The following DAB2 variants were observed in gnomAD, a reference collection of about 807,000 sequenced individuals.
DAB2 encodes disabled homolog 2.
Under a neutral mutation model 71.6 loss-of-function variants are expected in DAB2, and 28 were observed. The observed-to-expected ratio is 0.39, with a 90% CI of 0.29 to 0.54. The LOEUF (loss-of-function observed/expected upper bound fraction) is 0.54. Among genes scored for constraint, DAB2 ranks in the 20% least tolerant of loss-of-function variants. The pLI is 0.68. For synonymous variants in DAB2, 345 were observed against 339.7 expected (o/e 1.02, Z -0.17); for missense variants, 867 against 928.8 (o/e 0.93, Z 0.86).
At chr5:39,396,620 T>C (rs150380948) in intron 1 of DAB2, among the ~76,000 whole-genome samples, 88 of 152,356 alleles carry the variant, frequency 5.8e-4, no homozygotes, top group Non-Finnish European at 1.1e-3. Flanking sequence ...TTTTTGAAGT[T>C]AAATGTACAA....
intron 3 of DAB2, among the ~76,000 whole-genome samples, 180 bp downstream of exon 3, chr5:39,393,074 G>A (rs576494975): frequency 6.6e-6 from 1 of 152,246 alleles, no homozygotes; most frequent in South Asian, 2.1e-4. Context: ...AGGTATCTAG[G>A]ACATCCCTCC....
intron 3 of DAB2, 130 bp from the exon 4 acceptor site, chr5:39,392,593 C>T (rs1755260789): frequency 1.5e-6 from 1 of 666,644 alleles, no homozygotes; most frequent in African/African-American, 1.8e-5. Flanking sequence ...GGATTCGGCA[C>T]TTTTCATCCG....
At chr5:39,381,367 C>T in intron 11 of DAB2, 87 bp downstream of exon 11, 1 of 1,391,382 alleles carries the variant, frequency 7.2e-7, no homozygotes, top group Non-Finnish European at 1.0e-6. Context: ...GTAAAACCCT[C>T]TGGGAGTATG....
chr5:39,376,013 C>T lies in DAB2; in HGVS notation c.2231G>A (p.Gly744Asp). The T allele has an allele frequency of 6.2e-7, 1 of 1,613,798 alleles. No individual in the cohort carries two copies. Among genetic ancestry groups the T allele is most frequent in the Non-Finnish European group, 8.5e-7 (1 of 1,179,830 alleles). ...CATACTTACAGAGGCTTGTGATGAACCAAAAGAATCTTTAAAGAAAGGGTT... is the reference window on the plus strand; with the variant it reads ...CATACTTACAGAGGCTTGTGATGAATCAAAAGAATCTTTAAAGAAAGGGTT... ...FENPFFKDSF[G>D]SSQASVASSQ... Residue 744 changes from glycine to aspartate, a missense_variant, in exon 13 of 15, where the codon GGT becomes GAT. Physicochemically the swap from Gly to Asp is moderately conservative, Grantham distance 94. Around this residue, in one of 2 missense-constraint regions of DAB2, gnomAD observed 740 missense variants for 734.3 expected, o/e 1.01. Transcript: ENST00000320816.
chr5:39,381,853 A>G (rs557048257), intron 10 of DAB2, among the ~76,000 whole-genome samples: 1 of 152,332 alleles, frequency 6.6e-6, no homozygotes, highest in East Asian at 1.9e-4. Context: ...AGGACTTGCA[A>G]AGTGAAATCT....
Position 39,424,521 on chromosome 5 carries a change from A to G in DAB2, c.-102+283T>C, listed in dbSNP as rs969785031. Among the ~76,000 whole-genome samples the G allele has an allele frequency of 2.0e-4, 26 of 128,342 alleles. 1 individual carries two copies. Among genetic ancestry groups the G allele is most frequent in the Admixed American group, 2.0e-3 (24 of 12,162 alleles). 84.2% of individuals were successfully genotyped at this position (128,342 alleles called of 152,430 possible). On this transcript the variant is annotated intron_variant, in intron 1 of 14. Coordinates refer to ENST00000320816, the MANE Select transcript of DAB2 (RefSeq NM_001343.4). Reference sequence around the variant, plus strand: ...CACACACACACACACACACACACACACGACACAAAAGGAGGCGTTTGTTAA... The same window carrying G: ...CACACACACACACACACACACACACGCGACACAAAAGGAGGCGTTTGTTAA...
intron 1 of DAB2, among the ~76,000 whole-genome samples, chr5:39,419,550 A>G (rs1289505353): frequency 1.3e-5 from 2 of 152,216 alleles, no homozygotes; most frequent in Non-Finnish European, 2.9e-5. Context: ...ACAAAAACTA[A>G]ATGAAGTAGA....
intron 1 of DAB2, among the ~76,000 whole-genome samples, chr5:39,397,301 G>T (rs575018272): frequency 6.6e-6 from 1 of 152,170 alleles, no homozygotes; most frequent in South Asian, 2.1e-4. Flanking sequence ...AGGGACTCCA[G>T]TACTAGCTAA....
Position 39,390,424 on chromosome 5 carries a change from T to A in DAB2, c.462+20A>T. On this transcript the variant is annotated intron_variant, in intron 5 of 14. Coordinates refer to ENST00000320816, the MANE Select transcript of DAB2 (RefSeq NM_001343.4). ...CACAGAGGACAAGTCCCCAGGTCTA[T>A]GTCAAGACTTAGAGCTCACCTGTTG... is the stretch of plus-strand genomic sequence containing the variant. 6.2e-7 allele frequency: 1 copy of A among 1,612,468 alleles called. No individual in the cohort carries two copies. Among genetic ancestry groups the A allele is most frequent in the Non-Finnish European group, 8.5e-7 (1 of 1,179,316 alleles).
intron 4 of DAB2, 194 bp downstream of exon 4, chr5:39,392,171 C>T: frequency 1.8e-6 from 1 of 568,934 alleles, no homozygotes; most frequent in Admixed American, 3.1e-5. Flanking sequence ...TATTATAGAA[C>T]ACAAATTCAA....
intron 1 of DAB2, among the ~76,000 whole-genome samples, chr5:39,414,014 T>C (rs758608977): frequency 7.2e-5 from 11 of 152,182 alleles, no homozygotes; most frequent in Non-Finnish European, 1.5e-4. Context: ...CATTAAATGA[T>C]AGCTAGGCAG....
Position 39,376,726 on chromosome 5 carries a change from G to A in DAB2, c.2061C>T (p.Asn687=), listed in dbSNP as rs371945533. 4.7e-5 allele frequency: 76 copies of A among 1,614,028 alleles called. No individual in the cohort carries two copies. The highest frequency in any genetic ancestry group is 6.0e-5 in the Non-Finnish European group (71 of 1,180,026). The change falls in exon 12 of 15, where the codon AAC becomes AAT. Residue 687 remains asparagine, a synonymous_variant. Transcript: ENST00000320816. ...GTLSAFASYF[N]SKVGIPQENA... ...TCTCCTGAGGAATGCCAACCTTGCT[G>A]TTGAAATAACTGGCAAAGGCACTCA...
intron 1 of DAB2, among the ~76,000 whole-genome samples, chr5:39,401,820 T>C (rs1755508108): frequency 6.6e-6 from 1 of 150,832 alleles, no homozygotes; most frequent in African/African-American, 2.4e-5. Flanking sequence ...TGGTGCGATC[T>C]CGGCTCACTG....
chr5:39,403,664 G>A (rs930184555), intron 1 of DAB2, among the ~76,000 whole-genome samples: 15 of 151,424 alleles, frequency 9.9e-5, no homozygotes, highest in East Asian at 1.9e-4. Context: ...AATTTATTTC[G>A]GTACATTCTC....
chr5:39,412,516 A>G (rs1755755488), intron 1 of DAB2, among the ~76,000 whole-genome samples: 2 of 152,196 alleles, frequency 1.3e-5, no homozygotes, highest in South Asian at 4.1e-4. Flanking sequence ...ATGGTTTACT[A>G]TCTAACAGGG....
chr5:39,406,025 T>C (rs1161466172), intron 1 of DAB2, among the ~76,000 whole-genome samples: 3 of 152,194 alleles, frequency 2.0e-5, no homozygotes, highest in Admixed American at 6.5e-5. Flanking sequence ...AAGGCTACTC[T>C]TTCCCATATA....
In DAB2 at chr5:39,394,311, C is replaced by T. The variant is rs143700405; in HGVS notation, c.10G>A (p.Glu4Lys). Residue 4 changes from glutamate to lysine, a missense_variant, in exon 2 of 15, where the codon GAA becomes AAA. This residue lies in a region of DAB2 where 127 missense variants were observed against 194.4 expected (regional missense o/e 0.65). Coordinates refer to ENST00000320816, the MANE Select transcript of DAB2 (RefSeq NM_001343.4). MSN[E>K]VETSATNGQP... ...CCATTGGTTGCACTTGTTTCTACTT[C>T]GTTAGACATGGCAAGAAGGCAGGCA... is the stretch of plus-strand genomic sequence containing the variant. 1.6e-3 allele frequency: 2,606 copies of T among 1,614,026 alleles called. 4 individuals carry two copies. The highest frequency in any genetic ancestry group is 2.2e-3 in the South Asian group (197 of 91,080).
chr5:39,410,420 A>G (rs951545463), intron 1 of DAB2, among the ~76,000 whole-genome samples: 2 of 152,200 alleles, frequency 1.3e-5, no homozygotes, highest in Admixed American at 1.3e-4. Context: ...AATATGAAGT[A>G]ATAGCCCATG....
intron 1 of DAB2, among the ~76,000 whole-genome samples, chr5:39,420,151 G>C (rs981566636): frequency 3.3e-5 from 5 of 152,196 alleles, no homozygotes; most frequent in Non-Finnish European, 7.3e-5. Context: ...TATTGTCTTA[G>C]ATGAGTTCCC....
Sources: allele counts gnomAD v4.1 joint callset (sites outside exome capture counted in the v4.1 genomes callset), GRCh38; gene constraint gnomAD v4.1.1; regional missense constraint gnomAD v4.1.1; transcripts MANE v1.5; gene names NCBI Gene and HGNC (gene_info 2026-07-23, HGNC 2026-07-21).